TERB2: variants seen among roughly 807,000 people sequenced by gnomAD.
TERB2 encodes telomere repeat binding bouquet formation protein 2, also known as telomere repeats-binding bouquet formation protein 2.
Under a neutral mutation model 29.8 loss-of-function variants are expected in TERB2, and 26 were observed. The observed-to-expected ratio is 0.87, with a 90% confidence interval of 0.64 to 1.21. The LOEUF (loss-of-function observed/expected upper bound fraction) is 1.21. TERB2 is among the 50% of genes most tolerant of loss of function. The probability of loss-of-function intolerance (pLI) is 0.00; values close to 1 mark genes in which losing one functional copy is unlikely to be tolerated. For synonymous variants in TERB2, 80 were observed against 90.8 expected (o/e 0.88, Z 0.68); for missense variants, 240 against 268.6 (o/e 0.89, Z 0.74).
rs1158976001 is a variant in TERB2 at position 44,978,920 on chromosome 15, ATCC to A, written c.*307_*309del. ...TCAATCTCAAACTCTCCATCTCTCAATCCTCCTCCTCCTCCTCTTTCTTGCTTT... is the reference window on the plus strand; with the variant it reads ...TCAATCTCAAACTCTCCATCTCTCAATCCTCCTCCTCCTCTTTCTTGCTTT... On this transcript the variant is annotated 3_prime_UTR_variant, in exon 7 of 7. Transcript: ENST00000340827. 49 of 179,624 alleles carry A rather than the reference ATCC, an allele frequency of 2.7e-4. No individual in the cohort carries two copies. The highest frequency in any genetic ancestry group is 4.3e-4 in the Non-Finnish European group (38 of 88,804). The allele number at this position is 179,624 out of a possible 1,614,324, so 11.1% of individuals were successfully genotyped here.
intron 5 of TERB2, among the ~76,000 whole-genome samples, chr15:44,971,824 T>TC (rs34777163): frequency 0.12 from 17,842 of 147,266 alleles, 1,277 homozygotes; most frequent in East Asian, 0.29. Flanking sequence ...TTCCTTTTCA[T>TC]CCCCCCCCCT....
At chr15:44,973,314 A>T (rs1891997721) in intron 5 of TERB2, among the ~76,000 whole-genome samples, 1 of 152,196 alleles carries the variant, frequency 6.6e-6, no homozygotes, top group Non-Finnish European at 1.5e-5. Flanking sequence ...GGCAGATTTA[A>T]TACTGTATAT....
At chr15:44,977,964 T>C (rs1482109012) in intron 6 of TERB2, among the ~76,000 whole-genome samples, 4 of 152,202 alleles carry the variant, frequency 2.6e-5, no homozygotes, top group African/African-American at 9.6e-5. Flanking sequence ...GGATAACTAA[T>C]TGACATCAAA....
In TERB2 at chr15:44,956,779, T is replaced by TG; in HGVS notation, c.64+1dup. On this transcript the variant is annotated frameshift_variant, in exon 1 of 7. Coordinates refer to ENST00000340827, the MANE Select transcript of TERB2 (RefSeq NM_152448.3). LOFTEE classifies it high-confidence loss of function. ...CGTTAGCCAGGATCTGAGGCAATTC[T>TG]GGGGTAGGAAGCTGAGTGGAAGCAG... is the stretch of plus-strand genomic sequence containing the variant. The TG allele has an allele frequency of 6.2e-7, 1 of 1,613,894 alleles. No homozygotes were observed. Among genetic ancestry groups the TG allele is most frequent in the Non-Finnish European group, 8.5e-7 (1 of 1,179,882 alleles).
intron 3 of TERB2, among the ~76,000 whole-genome samples, chr15:44,961,282 G>A (rs745556198): frequency 8.5e-4 from 128 of 150,020 alleles, no homozygotes; most frequent in African/African-American, 3.1e-3. Context: ...AGCAGGAAAC[G>A]TCTACAACAA....
chr15:44,963,801 ATTCTTTTT>A (rs1891841645), intron 4 of TERB2, among the ~76,000 whole-genome samples: 1 of 128,236 alleles, frequency 7.8e-6, no homozygotes, highest in Non-Finnish European at 1.6e-5. Flanking sequence ...TTATTATACT[ATTCTTTTT>A]TTTTTTTTTT....
chr15:44,973,126 C>G (rs141492243), intron 5 of TERB2, among the ~76,000 whole-genome samples: 147 of 152,288 alleles, frequency 9.7e-4, no homozygotes, highest in African/African-American at 3.5e-3. Flanking sequence ...GGTGATCCAC[C>G]TGCCTCGGCC....
intron 5 of TERB2, among the ~76,000 whole-genome samples, chr15:44,969,797 C>CAAAA (rs34634243): frequency 1.3e-4 from 16 of 123,324 alleles, no homozygotes; most frequent in Admixed American, 3.3e-4. Context: ...GGCCATGTAT[C>CAAAA]AAAAAAAAAA....
chr15:44,972,627 T>C (rs185809776), intron 5 of TERB2, among the ~76,000 whole-genome samples: 33 of 151,614 alleles, frequency 2.2e-4, no homozygotes, highest in Non-Finnish European at 1.0e-4. Context: ...GCAATTCTCT[T>C]GCCTCAGCCT....
At position 44,961,531 on chromosome 15, in the gene TERB2, A is replaced by T. The variant is rs142886147; in HGVS notation, c.295A>T (p.Arg99Ter). Residue 99 changes from arginine to a stop codon, truncating the protein, a stop_gained, in exon 4 of 7, where the codon AGA becomes TGA. Coordinates refer to ENST00000340827, the MANE Select transcript of TERB2 (RefSeq NM_152448.3). LOFTEE classifies it high-confidence loss of function. Reference sequence around the variant, plus strand: ...TGTTTTTCTCACCACAGAAATAAGAAGAAAAATTGGTAGTTTTATTTGGGA... The same window carrying T: ...TGTTTTTCTCACCACAGAAATAAGATGAAAAATTGGTAGTTTTATTTGGGA... ...PPACLQKEIR[R>*]KIGSFIWEQD... is the part of the protein sequence containing the mutation. 1.4e-5 allele frequency: 23 copies of T among 1,596,604 alleles called. No homozygotes were observed. Among genetic ancestry groups the T allele is most frequent in the Non-Finnish European group, 2.0e-5 (23 of 1,172,296 alleles).
intron 5 of TERB2, among the ~76,000 whole-genome samples, chr15:44,971,712 T>C (rs1891972754): frequency 6.6e-6 from 1 of 151,920 alleles, no homozygotes. Flanking sequence ...GCCAAGACCA[T>C]GCCACTGCAC....
chr15:44,969,480 A>T (rs1891937184), intron 5 of TERB2, among the ~76,000 whole-genome samples: 1 of 151,810 alleles, frequency 6.6e-6, no homozygotes, highest in Non-Finnish European at 1.5e-5. Flanking sequence ...TCTGGGCCCA[A>T]GGTATTTATT....
intron 5 of TERB2, among the ~76,000 whole-genome samples, chr15:44,968,372 C>T (rs1891919298): frequency 6.6e-6 from 1 of 151,930 alleles, no homozygotes; most frequent in African/African-American, 2.4e-5. Context: ...CATGCCACCC[C>T]ACCACACCAG....
Position 44,969,133 on chromosome 15 carries a change from CA to C in TERB2, c.434+2891del, listed in dbSNP as rs533968724. 7.2e-5 allele frequency among the ~76,000 whole-genome samples: 11 copies of C among 152,162 alleles called. No homozygotes were observed. In the South Asian group the frequency reaches 2.1e-3, roughly 29 times the overall value. ...TTAATTAGACAGGGTCTCGCTCTGTCACCCAGGCTGGAGTACAGTGGCACAA... is the reference window on the plus strand; with the variant it reads ...TTAATTAGACAGGGTCTCGCTCTGTCCCCAGGCTGGAGTACAGTGGCACAA... On this transcript the variant is annotated intron_variant, in intron 5 of 6. Coordinates refer to ENST00000340827, the MANE Select transcript of TERB2 (RefSeq NM_152448.3).
intron 2 of TERB2, 100 bp downstream of exon 2, chr15:44,957,077 G>C: frequency 8.0e-7 from 1 of 1,243,660 alleles, no homozygotes; most frequent in Non-Finnish European, 1.1e-6. Context: ...GGCTGGGCGC[G>C]GTGGCGGACA....
chr15:44,960,942 G>GTGTATC (rs1190709539), intron 3 of TERB2, among the ~76,000 whole-genome samples: 1 of 151,628 alleles, frequency 6.6e-6, no homozygotes, highest in Admixed American at 6.6e-5. Flanking sequence ...ATCTATATAT[G>GTGTATC]TGTATCTGTA....
chr15:44,973,819 C>CAT (rs34555752), intron 5 of TERB2, 48 bp from the exon 6 acceptor site: 20,974 of 1,318,500 alleles, frequency 0.016, 195 homozygotes, highest in Admixed American at 0.032. Context: ...TACATATAGA[C>CAT]ATATATATAC....
chr15:44,971,313 C>G (rs1387518836), intron 5 of TERB2: 3 of 152,264 alleles, frequency 2.0e-5, no homozygotes, highest in African/African-American at 7.2e-5. Flanking sequence ...AAAGCAGCCA[C>G]TCTGAGTTAT....
intron 2 of TERB2, among the ~76,000 whole-genome samples, chr15:44,957,280 G>A (rs756357513): frequency 6.6e-6 from 1 of 151,678 alleles, no homozygotes. Context: ...TAATATTGAC[G>A]ATAGGGTGAG....
Sources: gnomAD v4.1 joint callset for allele counts (sites outside exome capture counted in the v4.1 genomes callset) on GRCh38, gnomAD v4.1.1 for gene constraint, MANE v1.5 for transcripts, NCBI Gene and HGNC (gene_info 2026-07-23, HGNC 2026-07-21) for gene names.